WSCD1: variants seen among roughly 807,000 people sequenced by gnomAD.
WSCD1 encodes WSC domain sialate O sulfotransferase 1, also known as sialate:O-sulfotransferase 1.
A neutral mutation model predicts 60.4 loss-of-function variants in WSCD1; 41 were observed. The observed-to-expected ratio is 0.68, with a 90% CI of 0.53 to 0.88. The LOEUF (loss-of-function observed/expected upper bound fraction) is 0.88, where lower values mean the gene tolerates loss of function less well. WSCD1 is among the 40% of genes least tolerant of loss of function. The pLI is 0.00. For synonymous variants in WSCD1, 361 were observed against 332.5 expected (o/e 1.09, Z -0.93); for missense variants, 784 against 796.2 (o/e 0.98, Z 0.18).
chr17:6,097,133 C>G (rs1364033526), intron 5 of WSCD1, among the ~76,000 whole-genome samples: 1 of 152,270 alleles, frequency 6.6e-6, no homozygotes, highest in Non-Finnish European at 1.5e-5. Context: ...CTTTGCAGCC[C>G]TTGCTCCTGA....
At chr17:6,088,806 G>A (rs1424124481) in intron 3 of WSCD1, among the ~76,000 whole-genome samples, 2 of 139,558 alleles carry the variant, frequency 1.4e-5, no homozygotes, top group African/African-American at 5.2e-5. Flanking sequence ...TTTTTGAGAC[G>A]GAGTCTCGCT....
intron 5 of WSCD1, among the ~76,000 whole-genome samples, chr17:6,107,242 T>A (rs1911138547): frequency 1.3e-5 from 2 of 152,292 alleles, no homozygotes; most frequent in South Asian, 4.1e-4. Flanking sequence ...TAATTATCTC[T>A]GTAATCCCAG....
In WSCD1 at chr17:6,075,878, G is replaced by A. The variant is rs972414970; in HGVS notation, c.-288-4493G>A. On this transcript the variant is annotated intron_variant, in intron 1 of 8. Coordinates refer to ENST00000317744, the MANE Select transcript of WSCD1 (RefSeq NM_015253.2). The surrounding 1 kb of genome is among the most constrained non-coding windows in gnomAD (Gnocchi z 4.1). ...GAAAAATTCTCCAGACTTTCAGAGG[G>A]GAGGGGCCCCAGGCTGCCTCCCAGT... is the stretch of plus-strand genomic sequence containing the variant. Among the ~76,000 whole-genome samples, 10 of 152,134 alleles carry A rather than the reference G, an allele frequency of 6.6e-5. No individual in the cohort carries two copies. The highest frequency in any genetic ancestry group is 2.4e-4 in the African/African-American group (10 of 41,414).
At position 6,086,250 on chromosome 17, in the gene WSCD1, C is replaced by CATATATATATATAT. The variant is rs61690560; in HGVS notation, c.428-1728_428-1715dup. 1.9e-3 allele frequency among the ~76,000 whole-genome samples: 187 copies of CATATATATATATAT among 98,228 alleles called. 8 individuals are homozygous for CATATATATATATAT. The highest frequency in any genetic ancestry group is 3.3e-3 in the African/African-American group (75 of 23,040). The allele number at this position is 98,228 out of a possible 152,430, so 64.4% of individuals were successfully genotyped here. ...GCAGTCAGTAAGACCGTCCTGACTT[C>CATATATATATATAT]ATATATATATATATATATATATATA... On this transcript the variant is annotated intron_variant, in intron 2 of 8. Coordinates refer to ENST00000317744, the MANE Select transcript of WSCD1 (RefSeq NM_015253.2).
At chr17:6,112,976 C>A (rs1911491214) in intron 7 of WSCD1, among the ~76,000 whole-genome samples, 1 of 151,972 alleles carries the variant, frequency 6.6e-6, no homozygotes, top group African/African-American at 2.4e-5. Flanking sequence ...CACAAAAGAC[C>A]CTGAATAGCC....
Position 6,120,960 on chromosome 17 carries a change from A to C in WSCD1, c.*299A>C. 1 of 423,962 alleles carries C rather than the reference A, an allele frequency of 2.4e-6. No individual in the cohort carries two copies. The highest frequency in any genetic ancestry group is 4.3e-6 in the Non-Finnish European group (1 of 233,048). 26.3% of individuals were successfully genotyped at this position (423,962 alleles called of 1,614,324 possible). On this transcript the variant is annotated 3_prime_UTR_variant, in exon 9 of 9. Coordinates refer to ENST00000317744, the MANE Select transcript of WSCD1 (RefSeq NM_015253.2). Reference sequence around the variant, plus strand: ...GCCACCCACGTGGGGTGTGCCAGGCACCCCCAGATACAAATGCAGCCACGC... The same window carrying C: ...GCCACCCACGTGGGGTGTGCCAGGCCCCCCCAGATACAAATGCAGCCACGC...
chr17:6,081,264 C>T (rs1308553207), intron 2 of WSCD1, among the ~76,000 whole-genome samples, 179 bp downstream of exon 2: 1 of 152,222 alleles, frequency 6.6e-6, no homozygotes, highest in Non-Finnish European at 1.5e-5. Context: ...TTTGCTCACT[C>T]ACCAGCTGGA....
intron 4 of WSCD1, among the ~76,000 whole-genome samples, chr17:6,091,052 G>A (rs555006343): frequency 8.6e-5 from 13 of 152,038 alleles, no homozygotes; most frequent in South Asian, 6.2e-4. Context: ...CACCACACCC[G>A]GCTAATGTTT....
chr17:6,078,898 G>A (rs1221767630), intron 1 of WSCD1, among the ~76,000 whole-genome samples: 1 of 152,198 alleles, frequency 6.6e-6, no homozygotes, highest in African/African-American at 2.4e-5. Context: ...AATCTGATGA[G>A]GTTGTCTGGG....
chr17:6,071,175 T>C (rs1567547037), intron 1 of WSCD1: 2 of 152,256 alleles, frequency 1.3e-5, no homozygotes, highest in Non-Finnish European at 2.9e-5. Flanking sequence ...GCAAAACGTA[T>C]GTATTTTGTC....
rs1311042863 is a variant in WSCD1, at chr17:6,120,617, G to A, written c.1684G>A (p.Asp562Asn). The part of the protein sequence containing the change: ...YIRTVDQALR[D>N]HNWTGLPREY... The stretch of plus-strand genomic sequence containing the variant: ...CCGGACGGTGGACCAAGCCCTGCGT[G>A]ACCACAACTGGACGGGGCTGCCCAG... Residue 562 changes from aspartate to asparagine, a missense_variant, in exon 9 of 9, where the codon GAC becomes AAC. Asp to Asn is a conservative substitution (Grantham distance 23, BLOSUM62 1). Transcript: ENST00000317744. 1.2e-6 allele frequency: 2 copies of A among 1,613,284 alleles called. No individual in the cohort carries two copies. The highest frequency in any genetic ancestry group is 1.7e-6 in the Non-Finnish European group (2 of 1,179,952).
rs1429787398 is a variant in WSCD1, at chr17:6,098,900, G to A, written c.849+3677G>A. On this transcript the variant is annotated intron_variant, in intron 5 of 8. Transcript: ENST00000317744. Reference sequence around the variant, plus strand: ...GGTGAAGAAGGCTTGGAAGGAGGCTGAGAAAGGAAGATGGTTGCAACTTTT... The same window carrying A: ...GGTGAAGAAGGCTTGGAAGGAGGCTAAGAAAGGAAGATGGTTGCAACTTTT... 7.2e-5 allele frequency among the ~76,000 whole-genome samples: 11 copies of A among 152,316 alleles called. No homozygotes were observed. The East Asian group carries it at 2.1e-3, about 29-fold the overall frequency.
Position 6,092,038 on chromosome 17 carries a change from T to C in WSCD1, c.727+1533T>C, listed in dbSNP as rs556600062. ...ATGTGGTGGCAGGTGCCTGTAATCC[T>C]AGCTACTCAGGAGGCTGAGGCAGGA... On this transcript the variant is annotated intron_variant, in intron 4 of 8. Coordinates refer to ENST00000317744, the MANE Select transcript of WSCD1 (RefSeq NM_015253.2). Among the ~76,000 whole-genome samples the C allele has an allele frequency of 7.9e-4, 119 of 150,872 alleles. 2 individuals carry two copies. The highest frequency in any genetic ancestry group is 3.1e-3 in the South Asian group (15 of 4,796).
chr17:6,109,781 C>T lies in WSCD1; in HGVS notation c.1009+15C>T, dbSNP rs1396695931. 2 of 1,604,916 alleles carry T rather than the reference C, an allele frequency of 1.2e-6. No homozygotes were observed. Among genetic ancestry groups the T allele is most frequent in the South Asian group, 2.2e-5 (2 of 90,474 alleles). On this transcript the variant is annotated intron_variant, in intron 6 of 8. Coordinates refer to ENST00000317744, the MANE Select transcript of WSCD1 (RefSeq NM_015253.2). ...ACCTGTGCAAGGTGGGTTCTGCATCCCCGACTGGTAGTGGCATTTGGTCTG... is the reference window on the plus strand; with the variant it reads ...ACCTGTGCAAGGTGGGTTCTGCATCTCCGACTGGTAGTGGCATTTGGTCTG...
At chr17:6,114,780 C>T (rs1424818882) in intron 7 of WSCD1, among the ~76,000 whole-genome samples, 1 of 151,928 alleles carries the variant, frequency 6.6e-6, no homozygotes, top group African/African-American at 2.4e-5. Context: ...CCTACCAACC[C>T]ATCGTCTAGG....
intron 5 of WSCD1, among the ~76,000 whole-genome samples, chr17:6,096,002 G>A (rs1051973474): frequency 6.6e-6 from 1 of 152,206 alleles, no homozygotes; most frequent in African/African-American, 2.4e-5. Context: ...CAATGTAATA[G>A]AACAGGGCTA....
chr17:6,113,296 T>C (rs912516896), intron 7 of WSCD1, among the ~76,000 whole-genome samples: 1 of 152,212 alleles, frequency 6.6e-6, no homozygotes, highest in Non-Finnish European at 1.5e-5. Context: ...GATAACCATA[T>C]GCAGAAGACT....
rs527580584 is a variant in WSCD1, at chr17:6,112,536, A to ATCC, written c.1174+1603_1174+1604insCTC. Among the ~76,000 whole-genome samples, 53 of 152,370 alleles carry ATCC rather than the reference A, an allele frequency of 3.5e-4. No individual in the cohort carries two copies. In the East Asian group the frequency reaches 9.0e-3, roughly 26 times the overall value. On this transcript the variant is annotated intron_variant, in intron 7 of 8. Transcript: ENST00000317744. Reference sequence around the variant, plus strand: ...CTTGTCCCTGTTTGCAGATGGCATGATCTTACATATAGAAATGCCTAAAGG... The same window carrying ATCC: ...CTTGTCCCTGTTTGCAGATGGCATGATCCTCTTACATATAGAAATGCCTAAAGG...
chr17:6,098,163 G>GC (rs386385525), intron 5 of WSCD1, among the ~76,000 whole-genome samples: 1 of 146,828 alleles, frequency 6.8e-6, no homozygotes, highest in African/African-American at 2.5e-5. Flanking sequence ...GGGTGGGGGG[G>GC]GTCTCACCAA....
Sources: allele counts gnomAD v4.1 joint callset (sites outside exome capture counted in the v4.1 genomes callset), GRCh38; gene constraint gnomAD v4.1.1; non-coding constraint Gnocchi (gnomAD v3.1); transcripts MANE v1.5; gene names NCBI Gene and HGNC (gene_info 2026-07-23, HGNC 2026-07-21).